Variants in PEPD observed in about 807,000 individuals in gnomAD.
PEPD encodes peptidase D, also known as xaa-Pro dipeptidase.
PEPD carries 53 observed loss-of-function variants against 60.7 expected under a neutral mutation model. That is an observed-to-expected ratio of 0.87 (90% confidence interval 0.70 to 1.10). The LOEUF (loss-of-function observed/expected upper bound fraction) is 1.10, where lower values mean the gene tolerates loss of function less well. Ranked by LOEUF, PEPD falls within the 50% of genes least tolerant of loss-of-function variation. The pLI, the probability that PEPD is intolerant of heterozygous loss-of-function variation, is 0.00. For missense variants in PEPD, 711 were observed against 711.9 expected (o/e 1.00, Z 0.01); for synonymous variants, 267 against 284.1 (o/e 0.94, Z 0.60).
At chr19:33,454,428 C>T (rs1969757870) in intron 9 of PEPD, among the ~76,000 whole-genome samples, 1 of 151,954 alleles carries the variant, frequency 6.6e-6, no homozygotes, top group Admixed American at 6.6e-5. Context: ...ATGGCAAAAC[C>T]CTGTCTCTAC....
chr19:33,490,067 G>A lies in PEPD; in HGVS notation c.442-10C>T, dbSNP rs773813771. The A allele has an allele frequency of 1.2e-6, 2 of 1,608,314 alleles. No individual in the cohort carries two copies. Among genetic ancestry groups the A allele is most frequent in the Non-Finnish European group, 1.7e-6 (2 of 1,175,352 alleles). On this transcript the variant is annotated splice_polypyrimidine_tract_variant and intron_variant, in intron 5 of 14. Coordinates refer to ENST00000244137, the MANE Select transcript of PEPD (RefSeq NM_000285.4). ...CCGTGTTGACGCCACGCTGGGGAGA[G>A]AGAACACAGACATGACACACGGGGC...
At chr19:33,500,297 G>A (rs1051434959) in intron 4 of PEPD, among the ~76,000 whole-genome samples, 3 of 152,220 alleles carry the variant, frequency 2.0e-5, no homozygotes, top group Admixed American at 2.0e-4. Context: ...GACCACAGGG[G>A]CTCCCAGCTG....
intron 9 of PEPD, among the ~76,000 whole-genome samples, chr19:33,431,342 C>A (rs563911747): frequency 6.6e-6 from 1 of 152,334 alleles, no homozygotes; most frequent in East Asian, 1.9e-4. Flanking sequence ...GTTGAAATCA[C>A]CCAAAATCTG....
intron 9 of PEPD, among the ~76,000 whole-genome samples, chr19:33,462,283 T>TTCAGTGTCA: frequency 6.6e-6 from 1 of 152,338 alleles, no homozygotes; most frequent in East Asian, 1.9e-4. Context: ...GATGGCAGCC[T>TTCAGTGTCA]CTTCAGTGTC....
intron 9 of PEPD, among the ~76,000 whole-genome samples, chr19:33,438,628 G>A (rs1039844811): frequency 1.3e-5 from 2 of 152,240 alleles, no homozygotes; most frequent in African/African-American, 2.4e-5. Context: ...CAGCTGTCCA[G>A]GAGGAAAATA....
chr19:33,453,273 C>A (rs1297036752), intron 9 of PEPD, among the ~76,000 whole-genome samples: 1 of 151,446 alleles, frequency 6.6e-6, no homozygotes, highest in African/African-American at 2.4e-5. Flanking sequence ...GTGATTGCAC[C>A]ACTGCCTTCC....
intron 9 of PEPD, among the ~76,000 whole-genome samples, chr19:33,424,405 T>A (rs1969098075): frequency 6.6e-6 from 1 of 152,256 alleles, no homozygotes; most frequent in Non-Finnish European, 1.5e-5. Flanking sequence ...TGGGAAGAGC[T>A]GTGTAAACAC....
chr19:33,513,211 T>C (rs142414464), intron 1 of PEPD, among the ~76,000 whole-genome samples: 1 of 152,086 alleles, frequency 6.6e-6, no homozygotes, highest in Non-Finnish European at 1.5e-5. Flanking sequence ...TCAACCTCCC[T>C]GCTAGAGGCC....
At chr19:33,476,707 A>G (rs1473965803) in intron 7 of PEPD, among the ~76,000 whole-genome samples, 1 of 152,050 alleles carries the variant, frequency 6.6e-6, no homozygotes, top group Non-Finnish European at 1.5e-5. Flanking sequence ...TCTGTCGCCC[A>G]GGCTGGAGTA....
intron 12 of PEPD, among the ~76,000 whole-genome samples, chr19:33,395,435 T>C (rs13343443): frequency 0.13 from 19,409 of 152,246 alleles, 1,504 homozygotes; most frequent in East Asian, 0.26. Flanking sequence ...CTCTGTGTAC[T>C]CAGACCCTAG....
At chr19:33,435,594 C>A (rs920682438) in intron 9 of PEPD, among the ~76,000 whole-genome samples, 7 of 152,222 alleles carry the variant, frequency 4.6e-5, no homozygotes, top group Non-Finnish European at 1.0e-4. Flanking sequence ...TGCTGGGGTC[C>A]CTGGGCCCTG....
intron 9 of PEPD, among the ~76,000 whole-genome samples, chr19:33,445,847 ACAT>A (rs1362292501): frequency 4.6e-5 from 7 of 152,218 alleles, no homozygotes; most frequent in South Asian, 4.1e-4. Flanking sequence ...ACCTCAGAGG[ACAT>A]CAGACAGGTG....
chr19:33,402,270 A>G (rs1208809337), intron 11 of PEPD, among the ~76,000 whole-genome samples: 1 of 152,126 alleles, frequency 6.6e-6, no homozygotes, highest in East Asian at 1.9e-4. Flanking sequence ...CCTGGCCTCC[A>G]CCCGGCACCC....
chr19:33,387,927 T>A lies in PEPD; in HGVS notation c.1307A>T (p.Asn436Ile). 1 of 1,594,068 alleles carries A rather than the reference T, an allele frequency of 6.3e-7. No homozygotes were observed. The highest frequency in any genetic ancestry group is 1.3e-5 in the African/African-American group (1 of 74,824). Residue 436 changes from asparagine (N) to isoleucine (I), a missense_variant, in exon 14 of 15, where the codon AAC (asparagine) becomes ATC (isoleucine). Transcript: ENST00000244137. ...GCGAAAGCGCTGCAGGACCTCGCGG[T>A]TAAGGAAGGAGGCGCGGGCCGGGTC... is the stretch of plus-strand genomic sequence containing the variant. ...LADPARASFL[N>I]REVLQRFRGF...
At chr19:33,464,200 C>G in intron 7 of PEPD, 138 bp from the exon 8 acceptor site, 1 of 712,208 alleles carries the variant, frequency 1.4e-6, no homozygotes, top group East Asian at 2.7e-5. Flanking sequence ...GTGGGGCCAC[C>G]AAGGCCCAGG....
chr19:33,496,197 G>C (rs563342999), intron 4 of PEPD, among the ~76,000 whole-genome samples: 2 of 152,266 alleles, frequency 1.3e-5, no homozygotes, highest in South Asian at 4.1e-4. Context: ...GAGGCACTTG[G>C]GGATTGTATC....
At chr19:33,516,383 GCAGA>G (rs1367927306) in intron 1 of PEPD, among the ~76,000 whole-genome samples, 1 of 152,118 alleles carries the variant, frequency 6.6e-6, no homozygotes, top group East Asian at 1.9e-4. Context: ...ATGCTTTGCT[GCAGA>G]CAGACAAGGC....
At chr19:33,509,965 A>C (rs1311753445) in intron 3 of PEPD, among the ~76,000 whole-genome samples, 2 of 152,196 alleles carry the variant, frequency 1.3e-5, no homozygotes, top group African/African-American at 2.4e-5. Flanking sequence ...GTCCAGAGGA[A>C]GGCAGCAAAT....
chr19:33,506,281 T>G (rs1970807264), intron 3 of PEPD, among the ~76,000 whole-genome samples: 1 of 123,422 alleles, frequency 8.1e-6, no homozygotes, highest in Non-Finnish European at 1.6e-5. Flanking sequence ...ACAAAAACCC[T>G]ACACACTACT....
Sources: allele counts gnomAD v4.1 joint callset (sites outside exome capture counted in the v4.1 genomes callset), GRCh38; gene constraint gnomAD v4.1.1; transcripts MANE v1.5; gene names NCBI Gene and HGNC (gene_info 2026-07-23, HGNC 2026-07-21).